The following SLC44A5 variants were observed in gnomAD, a reference collection of about 807,000 sequenced individuals.
SLC44A5 encodes the protein solute carrier family 44 member 5, also known as choline transporter-like protein 5.
A neutral mutation model predicts 101.8 loss-of-function variants in SLC44A5; 57 were observed. The observed-to-expected ratio is 0.56, with a 90% CI of 0.45 to 0.70. The LOEUF is 0.70. Ranked by LOEUF, SLC44A5 falls within the 30% of genes least tolerant of loss-of-function variation. The pLI is 0.00. For synonymous variants in SLC44A5, 281 were observed against 290.9 expected, an observed-to-expected ratio of 0.97 and a Z score of 0.35; for missense variants, 737 against 853.1, an observed-to-expected ratio of 0.86 and a Z score of 1.70.
At chr1:75,300,744 T>G in intron 4 of SLC44A5, 59 bp from the exon 5 acceptor site, 1 of 1,114,024 alleles carries the variant, frequency 9.0e-7, no homozygotes, top group Non-Finnish European at 1.3e-6. Flanking sequence ...TCCTGTTTCC[T>G]GCACAAAATG....
chr1:75,533,501 C>T (rs1670831865), intron 2 of SLC44A5, among the ~76,000 whole-genome samples: 2 of 152,218 alleles, frequency 1.3e-5, no homozygotes, highest in Admixed American at 6.5e-5. Flanking sequence ...GGGAAGGCAA[C>T]GAAAAGAAGG....
At chr1:75,302,412 C>G (rs769440326) in intron 4 of SLC44A5, among the ~76,000 whole-genome samples, 1 of 151,954 alleles carries the variant, frequency 6.6e-6, no homozygotes, top group Non-Finnish European at 1.5e-5. Flanking sequence ...ATCAGAAGCA[C>G]CAGCCAGGGT....
At chr1:75,413,179 C>T (rs1663393892) in intron 2 of SLC44A5, among the ~76,000 whole-genome samples, 3 of 152,064 alleles carry the variant, frequency 2.0e-5, no homozygotes, top group South Asian at 4.1e-4. Context: ...ATGAATTAAA[C>T]TTTATCATAG....
In SLC44A5 at chr1:75,490,867, C is replaced by T. The variant is rs578248545; in HGVS notation, c.13+50568G>A. ...GAAGCTGAGTAAAGAATTGATATTC[C>T]TAATTTAGTAGGTACGACTTACTTA... On this transcript the variant is annotated intron_variant, in intron 2 of 23. Transcript: ENST00000370859. 6.6e-5 allele frequency among the ~76,000 whole-genome samples: 10 copies of T among 152,020 alleles called. No homozygotes were observed. In the East Asian group the frequency reaches 1.7e-3, roughly 26 times the overall value.
chr1:75,261,132 C>T (rs1650465742), intron 6 of SLC44A5, among the ~76,000 whole-genome samples: 1 of 151,972 alleles, frequency 6.6e-6, no homozygotes, highest in African/African-American at 2.4e-5. Flanking sequence ...CAAGAGCAAA[C>T]AAATTCAAAA....
intron 1 of SLC44A5, among the ~76,000 whole-genome samples, chr1:75,570,573 A>C (rs967760390): frequency 6.6e-6 from 1 of 152,150 alleles, no homozygotes; most frequent in African/African-American, 2.4e-5. Context: ...ATATCCCAAC[A>C]CCTATTTTTG....
At chr1:75,227,547 A>G (rs981014508) in intron 13 of SLC44A5, among the ~76,000 whole-genome samples, 179 bp downstream of exon 13, 12 of 152,170 alleles carry the variant, frequency 7.9e-5, no homozygotes, top group Non-Finnish European at 1.8e-4. Flanking sequence ...AGATTATACA[A>G]TAAATTTTCC....
chr1:75,315,996 G>A (rs545333362), intron 4 of SLC44A5, among the ~76,000 whole-genome samples: 251 of 152,164 alleles, frequency 1.6e-3, no homozygotes, highest in African/African-American at 5.9e-3. Flanking sequence ...TCTTATATCT[G>A]GAGTGATAGC....
At chr1:75,227,924 C>G in intron 12 of SLC44A5, 67 bp from the exon 13 acceptor site, 1 of 1,273,654 alleles carries the variant, frequency 7.9e-7, no homozygotes, top group Non-Finnish European at 1.1e-6. Flanking sequence ...TATATGTGCT[C>G]ATCATACATA....
chr1:75,582,081 G>A (rs573971685), intron 1 of SLC44A5: 80 of 711,804 alleles, frequency 1.1e-4, no homozygotes, highest in Admixed American at 6.4e-4. Flanking sequence ...AGGAGCCACG[G>A]GTTACAGTGC....
the SLC44A5 span, among the ~76,000 whole-genome samples, chr1:75,660,836 T>G: frequency 6.6e-6 from 1 of 152,080 alleles, no homozygotes; most frequent in Non-Finnish European, 1.5e-5. Context: ...TGGAAAAATA[T>G]CTCATGCTCA....
intron 2 of SLC44A5, among the ~76,000 whole-genome samples, chr1:75,475,480 G>A (rs955700926): frequency 2.6e-5 from 4 of 152,106 alleles, no homozygotes; most frequent in South Asian, 2.1e-4. Context: ...ATTTTCTTCC[G>A]ATATTTTATT....
chr1:75,244,434 A>G (rs1648931752), intron 7 of SLC44A5, among the ~76,000 whole-genome samples: 1 of 152,114 alleles, frequency 6.6e-6, no homozygotes. Context: ...CTAAATATGA[A>G]TAAAATGATG....
At chr1:75,325,917 C>T (rs566312376) in intron 4 of SLC44A5, among the ~76,000 whole-genome samples, 5 of 152,074 alleles carry the variant, frequency 3.3e-5, no homozygotes, top group South Asian at 2.1e-4. Flanking sequence ...GTTTCATATA[C>T]ACCTTATACA....
rs544915648 is a variant in SLC44A5 at position 75,478,817 on chromosome 1, C to T, written c.13+62618G>A. 2.8e-4 allele frequency among the ~76,000 whole-genome samples: 43 copies of T among 152,210 alleles called. No individual in the cohort carries two copies. The South Asian group carries it at 8.7e-3, about 31-fold the overall frequency. ...CAATAATAATGGAGACTTTAACACCCCACTGTCAACATTAGACAGATCAAT... is the reference window on the plus strand; with the variant it reads ...CAATAATAATGGAGACTTTAACACCTCACTGTCAACATTAGACAGATCAAT... On this transcript the variant is annotated intron_variant, in intron 2 of 23. Transcript: ENST00000370859.
At chr1:75,615,302 G>A (rs1251489768), upstream of SLC44A5, among the ~76,000 whole-genome samples, 1 of 152,022 alleles carries the variant, frequency 6.6e-6, no homozygotes, top group Non-Finnish European at 1.5e-5. Context: ...TCCTCCTGAG[G>A]ATGGAGGTTG....
At chr1:75,525,458 C>T (rs1341973216) in intron 2 of SLC44A5, among the ~76,000 whole-genome samples, 2 of 152,092 alleles carry the variant, frequency 1.3e-5, no homozygotes, top group African/African-American at 2.4e-5. Flanking sequence ...AGGAGAACCA[C>T]AGCATGCAGA....
At chr1:75,317,604 T>A (rs1655794262) in intron 4 of SLC44A5, among the ~76,000 whole-genome samples, 1 of 152,146 alleles carries the variant, frequency 6.6e-6, no homozygotes, top group Admixed American at 6.6e-5. Flanking sequence ...CTTAACCAAC[T>A]CAGGCTGCTA....
chr1:75,210,688 T>A (rs1646836063), intron 23 of SLC44A5, among the ~76,000 whole-genome samples: 1 of 152,154 alleles, frequency 6.6e-6, no homozygotes, highest in African/African-American at 2.4e-5. Context: ...CAGAAGCCAA[T>A]CATTATTATT....
Sources: allele counts gnomAD v4.1 joint callset (sites outside exome capture counted in the v4.1 genomes callset), GRCh38; gene constraint gnomAD v4.1.1; transcripts MANE v1.5; gene names NCBI Gene and HGNC (gene_info 2026-07-23, HGNC 2026-07-21).